The following SPATA17 variants were observed in gnomAD, a reference collection of about 807,000 sequenced individuals.
The protein encoded by SPATA17 is spermatogenesis associated 17, also known as spermatogenesis-associated protein 17.
SPATA17 carries 53 observed loss-of-function variants against 62.2 expected under a neutral mutation model. The ratio of observed to expected loss-of-function variants is 0.85; its 90% CI spans 0.68 to 1.07. The LOEUF is 1.07. SPATA17 is among the 50% of genes least tolerant of loss of function. SPATA17 has a pLI of 0.00. For synonymous variants in SPATA17, 146 were observed against 146.8 expected (o/e 0.99, Z 0.04); for missense variants, 466 against 425.5 (o/e 1.10, Z -0.84).
intron 4 of SPATA17, among the ~76,000 whole-genome samples, chr1:217,682,235 C>T (rs1671101292): frequency 6.6e-6 from 1 of 151,294 alleles, no homozygotes; most frequent in Non-Finnish European, 1.5e-5. Context: ...GAAAATATAG[C>T]AAAGATATTT....
At chr1:217,733,988 C>A (rs572994407) in intron 5 of SPATA17, among the ~76,000 whole-genome samples, 1 of 152,048 alleles carries the variant, frequency 6.6e-6, no homozygotes, top group Non-Finnish European at 1.5e-5. Context: ...GAGTAGGTAA[C>A]CAGTAGCAAA....
At chr1:217,789,273 C>G (rs1571806932) in intron 8 of SPATA17, among the ~76,000 whole-genome samples, 1 of 152,270 alleles carries the variant, frequency 6.6e-6, no homozygotes, top group East Asian at 1.9e-4. Context: ...ACTAATAACT[C>G]TATTTCTTGA....
At chr1:217,828,972 A>G (rs1450964449) in intron 9 of SPATA17, among the ~76,000 whole-genome samples, 1 of 152,094 alleles carries the variant, frequency 6.6e-6, no homozygotes, top group African/African-American at 2.4e-5. Context: ...GAGAAAAGGG[A>G]ACCCTAGTAC....
At chr1:217,797,048 C>T (rs2102985346) in intron 8 of SPATA17, among the ~76,000 whole-genome samples, 1 of 152,212 alleles carries the variant, frequency 6.6e-6, no homozygotes. Context: ...AATTGTAAAA[C>T]ATGTCTCATC....
chr1:217,757,531 A>T (rs759396819), intron 6 of SPATA17, among the ~76,000 whole-genome samples: 3 of 152,154 alleles, frequency 2.0e-5, no homozygotes, highest in Admixed American at 6.5e-5. Flanking sequence ...TGATGCACAA[A>T]CTGCAAACCC....
chr1:217,720,099 G>C (rs529640355), intron 5 of SPATA17, among the ~76,000 whole-genome samples: 2 of 152,218 alleles, frequency 1.3e-5, no homozygotes, highest in African/African-American at 4.8e-5. Context: ...GAGGGAAGGG[G>C]TAACACTTTC....
intron 9 of SPATA17, among the ~76,000 whole-genome samples, chr1:217,852,451 G>A (rs1045747772): frequency 2.0e-5 from 3 of 152,128 alleles, no homozygotes; most frequent in Non-Finnish European, 4.4e-5. Flanking sequence ...TTCTTTGGGG[G>A]CAGTGATGAA....
intron 5 of SPATA17, among the ~76,000 whole-genome samples, chr1:217,715,579 C>G (rs1671982232): frequency 6.6e-6 from 1 of 151,832 alleles, no homozygotes; most frequent in African/African-American, 2.4e-5. Context: ...GATCCCTAGG[C>G]AGCTCTGTCA....
intron 4 of SPATA17, among the ~76,000 whole-genome samples, chr1:217,675,630 A>G (rs1401087635): frequency 6.6e-6 from 1 of 152,202 alleles, no homozygotes; most frequent in Non-Finnish European, 1.5e-5. Flanking sequence ...AATACTAATA[A>G]TGAATTAACA....
intron 5 of SPATA17, among the ~76,000 whole-genome samples, chr1:217,740,737 C>T (rs1385987498): frequency 4.6e-5 from 7 of 152,058 alleles, no homozygotes; most frequent in Non-Finnish European, 8.8e-5. Flanking sequence ...GCGCAGAAGC[C>T]CCCAAAATAC....
chr1:217,715,773 TTC>T (rs1298645462), intron 5 of SPATA17, among the ~76,000 whole-genome samples: 8 of 152,292 alleles, frequency 5.3e-5, no homozygotes, highest in African/African-American at 1.9e-4. Flanking sequence ...CTCAGTTTCG[TTC>T]TCTTTGTTGT....
At chr1:217,850,627 T>A (rs1675628532) in intron 9 of SPATA17, 1 of 1,592,328 alleles carries the variant, frequency 6.3e-7, no homozygotes, top group African/African-American at 1.3e-5. Context: ...TTCACGAAGA[T>A]CTGCATTTTG....
intron 5 of SPATA17, among the ~76,000 whole-genome samples, chr1:217,708,702 C>T (rs1422556705): frequency 6.6e-6 from 1 of 151,998 alleles, no homozygotes; most frequent in Non-Finnish European, 1.5e-5. Context: ...CATCTTGATA[C>T]CTAAACCTGG....
intron 5 of SPATA17, among the ~76,000 whole-genome samples, chr1:217,718,033 A>G (rs1210398977): frequency 6.6e-6 from 1 of 152,238 alleles, no homozygotes; most frequent in Non-Finnish European, 1.5e-5. Context: ...CTTCACAAGT[A>G]TGTGAGTCCA....
At position 217,871,185 on chromosome 1, in the gene SPATA17, A is replaced by C. The variant is rs2103020374; in HGVS notation, c.*4166A>C. On this transcript the variant is annotated 3_prime_UTR_variant, in exon 11 of 11. Transcript: ENST00000366933. ...AAATAAATAATCTTTCATATCTGTAAACTTTGGTATAATTGGTTATTTATG... is the reference window on the plus strand; with the variant it reads ...AAATAAATAATCTTTCATATCTGTACACTTTGGTATAATTGGTTATTTATG... 1 of 152,188 alleles carries C rather than the reference A, an allele frequency of 6.6e-6. No individual in the cohort carries two copies. The allele number at this position is 152,188 out of a possible 1,614,324, so 9.4% of individuals were successfully genotyped here. A position where few individuals can be genotyped will look rare whatever the true frequency, so the allele number is the denominator to read the frequency against.
At chr1:217,635,957 A>AC (rs1669927510) in intron 1 of SPATA17, among the ~76,000 whole-genome samples, 1 of 151,546 alleles carries the variant, frequency 6.6e-6, no homozygotes, top group Non-Finnish European at 1.5e-5. Context: ...ACATGGAGAA[A>AC]CCCCGTCTCT....
At chr1:217,794,321 T>A (rs1270247880) in intron 8 of SPATA17, among the ~76,000 whole-genome samples, 1 of 152,150 alleles carries the variant, frequency 6.6e-6, no homozygotes, top group Non-Finnish European at 1.5e-5. Flanking sequence ...TGTTTAAAAA[T>A]CGTTTTGTTA....
chr1:217,719,253 A>G (rs542531486), intron 5 of SPATA17, among the ~76,000 whole-genome samples: 8 of 152,298 alleles, frequency 5.3e-5, no homozygotes, highest in African/African-American at 1.4e-4. Context: ...TTTTCACTAT[A>G]CCCGTGTAGC....
At chr1:217,719,539 A>G (rs1672077750) in intron 5 of SPATA17, among the ~76,000 whole-genome samples, 1 of 152,256 alleles carries the variant, frequency 6.6e-6, no homozygotes, top group Non-Finnish European at 1.5e-5. Context: ...GAAGCACTTC[A>G]TATAAAGTTT....
Sources: gnomAD v4.1 joint callset for allele counts (sites outside exome capture counted in the v4.1 genomes callset) on GRCh38, gnomAD v4.1.1 for gene constraint, MANE v1.5 for transcripts, NCBI Gene and HGNC (gene_info 2026-07-23, HGNC 2026-07-21) for gene names.